ITGB4: variants seen among roughly 807,000 people sequenced by gnomAD.
ITGB4 encodes integrin subunit beta 4.
Under a neutral mutation model 207.6 loss-of-function variants are expected in ITGB4, and 159 were observed. That is an observed-to-expected ratio of 0.77 (90% CI 0.67 to 0.87). The LOEUF (loss-of-function observed/expected upper bound fraction) is 0.87. ITGB4 is among the 40% of genes least tolerant of loss of function. The probability of loss-of-function intolerance (pLI) is 0.00; values close to 1 mark genes in which losing one functional copy is unlikely to be tolerated. For synonymous variants in ITGB4, 1,020 were observed against 1,062.7 expected, an observed-to-expected ratio of 0.96 and a Z score of 0.78; for missense variants, 2,278 against 2,546.8, an observed-to-expected ratio of 0.89 and a Z score of 2.27.
rs1182864887 is a variant in ITGB4, at chr17:75,750,750, A to G, written c.3545A>G (p.Glu1182Gly). ...CTCGACAGCAAGGTGCCCTCAGTGG[A>G]GCTCACCAACCTGTACCCGTATTGC... ...HLLDSKVPSVELTNLYPYCDY... is the reference protein window; with the variant it reads ...HLLDSKVPSVGLTNLYPYCDY... The change falls in exon 29 of 40, where the codon GAG becomes GGG. Residue 1182 changes from glutamate to glycine, a missense_variant. By Grantham distance (98) the Glu-to-Gly change is moderately conservative. Coordinates refer to ENST00000200181, the MANE Select transcript of ITGB4 (RefSeq NM_000213.5). The surrounding 1 kb of genome is among the most constrained non-coding windows in gnomAD (Gnocchi z 5.5). 6.2e-7 allele frequency: 1 copy of G among 1,613,366 alleles called. No individual in the cohort carries two copies. Among genetic ancestry groups the G allele is most frequent in the African/African-American group, 1.3e-5 (1 of 74,890 alleles).
rs984492918 is a variant in ITGB4 at position 75,749,168 on chromosome 17, TAA to T, written c.3316+125_3316+126del. 6 of 791,992 alleles carry T rather than the reference TAA, an allele frequency of 7.6e-6. No individual in the cohort carries two copies. In the African/African-American group the frequency reaches 8.5e-5, roughly 11 times the overall value. 49.1% of individuals were successfully genotyped at this position (791,992 alleles called of 1,614,324 possible). A position where few individuals can be genotyped will look rare whatever the true frequency, so the allele number is the denominator to read the frequency against. On this transcript the variant is annotated intron_variant, in intron 27 of 39. Coordinates refer to ENST00000200181, the MANE Select transcript of ITGB4 (RefSeq NM_000213.5). ...CGCCCAGGTAAATCTGAATTTCAGGTAAACAACATACACGTTGGTAGGATAAG... is the reference window on the plus strand; with the variant it reads ...CGCCCAGGTAAATCTGAATTTCAGGTACAACATACACGTTGGTAGGATAAG...
Position 75,732,062 on chromosome 17 carries a change from AT to A in ITGB4, c.1377+90del. ...ATGAAGCAGGACTCCTGTGCCCCAT[AT>A]CCCTTGTGGGGTTTCCCGAGGCACA... On this transcript the variant is annotated intron_variant, in intron 11 of 39. Transcript: ENST00000200181. The surrounding 1 kb of genome is among the most constrained non-coding windows in gnomAD (Gnocchi z 5.3). 6.2e-7 allele frequency: 1 copy of A among 1,607,718 alleles called. No individual in the cohort carries two copies. The highest frequency in any genetic ancestry group is 8.5e-7 in the Non-Finnish European group (1 of 1,174,784).
In ITGB4 at chr17:75,727,487, C is replaced by T; in HGVS notation, c.246C>T (p.Ser82=). Residue 82 remains serine (S), a synonymous_variant, in exon 4 of 40, where the codon AGC becomes AGT. Transcript: ENST00000200181. This position sits in a 1 kb window ranked among gnomAD's most constrained non-coding sequence, Gnocchi z 6.0. ...GGGAGAGCATCGTGGTCATGGAGAGCAGCTTCCAAATCACAGAGGTGCCTG... is the reference window on the plus strand; with the variant it reads ...GGGAGAGCATCGTGGTCATGGAGAGTAGCTTCCAAATCACAGAGGTGCCTG... ...CQRESIVVME[S]SFQITEETQI... 1.2e-6 allele frequency: 2 copies of T among 1,613,882 alleles called. No individual in the cohort carries two copies. Among genetic ancestry groups the T allele is most frequent in the Non-Finnish European group, 1.7e-6 (2 of 1,179,998 alleles).
At chr17:75,756,388 G>A in intron 35 of ITGB4, 41 bp from the exon 36 acceptor site, 1 of 1,608,562 alleles carries the variant, frequency 6.2e-7, no homozygotes, top group Non-Finnish European at 8.5e-7. Flanking sequence ...AGGGGTGGGA[G>A]TAACACTGCA....
Position 75,740,192 on chromosome 17 carries a change from T to G in ITGB4, c.2446+121T>G. On this transcript the variant is annotated intron_variant, in intron 20 of 39. Coordinates refer to ENST00000200181, the MANE Select transcript of ITGB4 (RefSeq NM_000213.5). The surrounding 1 kb of genome is among the most constrained non-coding windows in gnomAD (Gnocchi z 5.9). ...GGTGCAGGCACAGGGCTCAGCCACC[T>G]TTTGCCCTGTGCTGATGGTGCTATG... 1 of 1,248,302 alleles carries G rather than the reference T, an allele frequency of 8.0e-7. No homozygotes were observed. The highest frequency in any genetic ancestry group is 1.3e-5 in the South Asian group (1 of 74,168). The allele number at this position is 1,248,302 out of a possible 1,614,324, so 77.3% of individuals were successfully genotyped here.
chr17:75,747,043 T>C (rs1188890768), intron 26 of ITGB4, among the ~76,000 whole-genome samples: 1 of 151,742 alleles, frequency 6.6e-6, no homozygotes, highest in South Asian at 2.1e-4. Flanking sequence ...ACAGTAAAAC[T>C]AGCACCCATT....
chr17:75,743,477 C>T (rs2061162911), intron 25 of ITGB4, among the ~76,000 whole-genome samples: 1 of 152,236 alleles, frequency 6.6e-6, no homozygotes, highest in African/African-American at 2.4e-5. Context: ...AGGTGATCCA[C>T]CTGCCTCAGC....
At position 75,737,325 on chromosome 17, in the gene ITGB4, A is replaced by G; in HGVS notation, c.1994A>G (p.Glu665Gly). 1 of 1,591,392 alleles carries G rather than the reference A, an allele frequency of 6.3e-7. No individual in the cohort carries two copies. Among genetic ancestry groups the G allele is most frequent in the Non-Finnish European group, 8.5e-7 (1 of 1,169,614 alleles). The change falls in exon 17 of 40, where the codon GAG becomes GGG. Residue 665 changes from glutamate (E) to glycine (G), a missense_variant. Physicochemically the swap from Glu to Gly is moderately conservative, Grantham distance 98 (BLOSUM62 -2). Coordinates refer to ENST00000200181, the MANE Select transcript of ITGB4 (RefSeq NM_000213.5). ...TGCTGACTGGCTGTGGGTACAGCCG[A>G]GGAGGTGGTGGTGCGCTGCTCCTTC... ...VKMVDELKRA[E>G]EVVVRCSFRD...
At chr17:75,756,386 G>A (rs201144354) in intron 35 of ITGB4, 43 bp from the exon 36 acceptor site, 5 of 1,606,310 alleles carry the variant, frequency 3.1e-6, no homozygotes, top group African/African-American at 1.3e-5. Flanking sequence ...CCAGGGGTGG[G>A]AGTAACACTG....
Position 75,727,757 on chromosome 17 carries a change from A to C in ITGB4, c.371A>C (p.Glu124Ala). The C allele has an allele frequency of 6.2e-7, 1 of 1,614,024 alleles. No homozygotes were observed. The highest frequency in any genetic ancestry group is 1.3e-5 in the African/African-American group (1 of 75,024). The change falls in exon 5 of 40, where the codon GAG becomes GCG. Residue 124 changes from glutamate (E) to alanine (A), a missense_variant. Physicochemically the swap from Glu to Ala is moderately radical, Grantham distance 107. Coordinates refer to ENST00000200181, the MANE Select transcript of ITGB4 (RefSeq NM_000213.5). This position sits in a 1 kb window ranked among gnomAD's most constrained non-coding sequence, Gnocchi z 6.0. ...EERHFELEVF[E>A]PLESPVDLYI... ...CGGCATTTTGAGCTGGAGGTGTTTGAGCCACTGGAGAGCCCCGTGGACCTG... is the reference window on the plus strand; with the variant it reads ...CGGCATTTTGAGCTGGAGGTGTTTGCGCCACTGGAGAGCCCCGTGGACCTG...
rs144407069 is a variant in ITGB4, at chr17:75,755,732, G to A, written c.4590G>A (p.Thr1530=). The A allele has an allele frequency of 1.3e-5, 21 of 1,612,690 alleles. No individual in the cohort carries two copies. Among genetic ancestry groups the A allele is most frequent in the Middle Eastern group, 1.6e-4 (1 of 6,084 alleles). The change falls in exon 35 of 40, where the codon ACG becomes ACA. Residue 1530 remains threonine, a synonymous_variant. Transcript: ENST00000200181. The stretch of plus-strand genomic sequence containing the variant: ...GCCTGACTGCTGGTGTGCCCGACAC[G>A]CCCACCCGCCTGGTGTTCTCTGCCC... ...DSRLTAGVPD[T]PTRLVFSALG... is the part of the protein sequence containing the mutation.
At position 75,740,752 on chromosome 17, in the gene ITGB4, G is replaced by T. The variant is rs775778681; in HGVS notation, c.2551-41G>T. The T allele has an allele frequency of 1.9e-6, 3 of 1,608,228 alleles. No homozygotes were observed. The South Asian group carries it at 3.3e-5, about 18-fold the overall frequency. ...CCCCAGCCTGAGGGCTTGCCACGGG[G>T]TGGCCTAGGCCCAGCCTCACGCCCC... is the stretch of plus-strand genomic sequence containing the variant. On this transcript the variant is annotated intron_variant, in intron 21 of 39. Transcript: ENST00000200181. This position sits in a 1 kb window ranked among gnomAD's most constrained non-coding sequence, Gnocchi z 5.9.
Position 75,728,476 on chromosome 17 carries a change from A to T in ITGB4, c.566+3A>T. 1 of 1,612,640 alleles carries T rather than the reference A, an allele frequency of 6.2e-7. No homozygotes were observed. The highest frequency in any genetic ancestry group is 8.5e-7 in the Non-Finnish European group (1 of 1,178,644). ...CAGACGGACATGAGGCCTGAGAAGT[A>T]AGTGACTGTGTGGGTCCCGCAGGTG... On this transcript the variant is annotated splice_donor_region_variant and intron_variant, in intron 6 of 39. Transcript: ENST00000200181.
At position 75,743,849 on chromosome 17, in the gene ITGB4, G is replaced by A. The variant is rs145314226; in HGVS notation, c.3099G>A (p.Ala1033=). ...CCTACCGCACACAGGATGGCACCGCGCAGGGCAACCGGGTGAGGCTGCGCC... is the reference window on the plus strand; with the variant it reads ...CCTACCGCACACAGGATGGCACCGCACAGGGCAACCGGGTGAGGCTGCGCC... ...QVSYRTQDGT[A]QGNRDYIPVE... is the part of the protein sequence containing the mutation. Residue 1033 remains alanine, a synonymous_variant, in exon 26 of 40, where the codon GCG becomes GCA. Coordinates refer to ENST00000200181, the MANE Select transcript of ITGB4 (RefSeq NM_000213.5). The A allele has an allele frequency of 1.1e-4, 182 of 1,593,450 alleles. 1 individual carries two copies. In the Middle Eastern group the frequency reaches 1.5e-3, roughly 13 times the overall value.
At chr17:75,741,160 C>T in intron 23 of ITGB4, 155 bp downstream of exon 23, 1 of 855,280 alleles carries the variant, frequency 1.2e-6, no homozygotes, top group Non-Finnish European at 1.9e-6. Context: ...GTTCCTTTGA[C>T]CATTTCTTCA....
rs777166389 is a variant in ITGB4 at position 75,757,398 on chromosome 17, A to G, written c.5330-18A>G. The stretch of plus-strand genomic sequence containing the variant: ...GGCAGACCCCAAGCCAGGTCATCTA[A>G]TGCCTCCTCCTCCACAGATGGGCTG... On this transcript the variant is annotated intron_variant, in intron 39 of 39. Coordinates refer to ENST00000200181, the MANE Select transcript of ITGB4 (RefSeq NM_000213.5). 5.6e-6 allele frequency: 9 copies of G among 1,612,796 alleles called. No homozygotes were observed. The highest frequency in any genetic ancestry group is 1.1e-5 in the South Asian group (1 of 91,082).
Position 75,757,281 on chromosome 17 carries a change from A to G in ITGB4, c.5300A>G (p.His1767Arg). Residue 1767 changes from histidine (H) to arginine (R), a missense_variant, in exon 39 of 40, where the codon CAC becomes CGC. By Grantham distance (29) the His-to-Arg change is conservative (BLOSUM62 0). Coordinates refer to ENST00000200181, the MANE Select transcript of ITGB4 (RefSeq NM_000213.5). ...GAGTACAGCAGCATCACCACCACCC[A>G]CACCAGCGCCACCGAGCCCTTCCTA... ...QSEYSSITTT[H>R]TSATEPFLVD... The G allele has an allele frequency of 6.2e-7, 1 of 1,611,738 alleles. No individual in the cohort carries two copies. The highest frequency in any genetic ancestry group is 8.5e-7 in the Non-Finnish European group (1 of 1,179,966).
rs560358122 is a variant in ITGB4, at chr17:75,722,304, G to A, written c.-11+692G>A. Among the ~76,000 whole-genome samples the A allele has an allele frequency of 1.0e-3, 152 of 152,298 alleles. No homozygotes were observed. Among genetic ancestry groups the A allele is most frequent in the Non-Finnish European group, 1.6e-3 (111 of 68,020 alleles). On this transcript the variant is annotated intron_variant, in intron 1 of 39. Coordinates refer to ENST00000200181, the MANE Select transcript of ITGB4 (RefSeq NM_000213.5). The surrounding 1 kb of genome is among the most constrained non-coding windows in gnomAD (Gnocchi z 6.2). ...CTCTTTCCCATGGCTCAGCCTCTGG[G>A]GTGGCCCTCTGGCTGGGACTGGGGC... is the stretch of plus-strand genomic sequence containing the variant.
intron 26 of ITGB4, 104 bp from the exon 27 acceptor site, chr17:75,748,737 G>A (rs2061291972): frequency 1.2e-6 from 1 of 809,884 alleles, no homozygotes; most frequent in South Asian, 1.6e-5. Context: ...CCAGCAAGCA[G>A]GGATGGTCTC....
Sources: gnomAD v4.1 joint callset for allele counts (sites outside exome capture counted in the v4.1 genomes callset) on GRCh38, gnomAD v4.1.1 for gene constraint, Gnocchi (gnomAD v3.1) non-coding constraint, MANE v1.5 for transcripts, NCBI Gene and HGNC (gene_info 2026-07-23, HGNC 2026-07-21) for gene names.